The following GRIP1 variants were observed in gnomAD, a reference collection of about 807,000 sequenced individuals.
GRIP1 encodes glutamate receptor-interacting protein 1.
A neutral mutation model predicts 129.9 loss-of-function variants in GRIP1; 45 were observed. The ratio of observed to expected loss-of-function variants is 0.35; its 90% CI spans 0.27 to 0.44. The LOEUF is 0.44. GRIP1 is among the 20% of genes least tolerant of loss of function. The pLI, the probability that GRIP1 is intolerant of heterozygous loss-of-function variation, is 1.00. For synonymous variants in GRIP1, 530 were observed against 520.8 expected, an observed-to-expected ratio of 1.02 and a Z score of -0.24; for missense variants, 1,196 against 1,396.8, an observed-to-expected ratio of 0.86 and a Z score of 2.29.
In GRIP1 at chr12:66,854,399, G is replaced by A. The variant is rs570212953; in HGVS notation, c.58+214651C>T. The stretch of plus-strand genomic sequence containing the variant: ...CTTGTACGCCTCAATAAGGAGTTTT[G>A]GATTGAGGAAAATGAGAGCTTCTGA... On this transcript the variant is annotated intron_variant, in intron 1 of 1. Transcript: ENST00000643019. Among the ~76,000 whole-genome samples the A allele has an allele frequency of 5.3e-5, 8 of 152,020 alleles. No homozygotes were observed. In the South Asian group the frequency reaches 1.0e-3, roughly 20 times the overall value.
At chr12:67,008,724 C>T (rs1017401204) in intron 1 of GRIP1, among the ~76,000 whole-genome samples, 1 of 152,106 alleles carries the variant, frequency 6.6e-6, no homozygotes, top group Non-Finnish European at 1.5e-5. Context: ...AGTGCTAGCA[C>T]AGTGTTCAAA....
chr12:67,025,316 G>C (rs993862603), intron 1 of GRIP1, among the ~76,000 whole-genome samples: 3 of 152,120 alleles, frequency 2.0e-5, no homozygotes, highest in Non-Finnish European at 4.4e-5. Flanking sequence ...ACTCCAGCCT[G>C]GGTGACAGAG....
chr12:66,781,038 T>C (rs185248584), intron 1 of GRIP1, among the ~76,000 whole-genome samples: 9 of 152,278 alleles, frequency 5.9e-5, no homozygotes, highest in Admixed American at 5.2e-4. Context: ...GATAAAATGA[T>C]TATTGTTCAC....
At chr12:66,788,010 G>A (rs1363915056) in intron 1 of GRIP1, among the ~76,000 whole-genome samples, 1 of 151,934 alleles carries the variant, frequency 6.6e-6, no homozygotes, top group African/African-American at 2.4e-5. Flanking sequence ...ACTTTCTCCG[G>A]GTTCCAGGGG....
intron 1 of GRIP1, among the ~76,000 whole-genome samples, chr12:66,928,037 C>CAGAAT (rs1329071485): frequency 6.6e-6 from 1 of 152,204 alleles, no homozygotes; most frequent in Non-Finnish European, 1.5e-5. Context: ...AATGAAGACA[C>CAGAAT]AGAATAGAGC....
At chr12:66,612,204 T>A (rs1325551053) in intron 1 of GRIP1, among the ~76,000 whole-genome samples, 1 of 152,214 alleles carries the variant, frequency 6.6e-6, no homozygotes, top group Non-Finnish European at 1.5e-5. Context: ...AGGTGATTTC[T>A]TCCTTGTGCA....
intron 7 of GRIP1, among the ~76,000 whole-genome samples, chr12:66,468,872 G>C (rs2059361164): frequency 6.6e-6 from 1 of 152,028 alleles, no homozygotes; most frequent in African/African-American, 2.4e-5. Context: ...GGGTGTGAGA[G>C]AGAGCATCCA....
At position 67,044,802 on chromosome 12, in the gene GRIP1, T is replaced by G. The variant is rs184095124; in HGVS notation, c.58+24248A>C. On this transcript the variant is annotated intron_variant, in intron 1 of 1. Transcript: ENST00000643019. ...GTACAAAATATATGCTCTGGGTACA[T>G]GTTTTTCAATGCTTTTGCAATGTAC... Among the ~76,000 whole-genome samples, 9 of 152,352 alleles carry G rather than the reference T, an allele frequency of 5.9e-5. No homozygotes were observed. In the East Asian group the frequency reaches 1.7e-3, roughly 29 times the overall value.
chr12:66,720,604 T>C (rs1178704518), intron 1 of GRIP1, among the ~76,000 whole-genome samples: 5 of 152,184 alleles, frequency 3.3e-5, no homozygotes, highest in East Asian at 1.9e-4. Context: ...ATATCTTTCA[T>C]TGTCATTTCA....
At chr12:66,401,844 T>C (rs1180584368) in intron 16 of GRIP1, among the ~76,000 whole-genome samples, 1 of 151,702 alleles carries the variant, frequency 6.6e-6, no homozygotes, top group African/African-American at 2.4e-5. Flanking sequence ...AGAAACAGAG[T>C]TAATTCAGAC....
chr12:66,898,784 T>C (rs1566069878), intron 1 of GRIP1, among the ~76,000 whole-genome samples: 1 of 152,214 alleles, frequency 6.6e-6, no homozygotes, highest in Admixed American at 6.5e-5. Context: ...GTAGTGTGTT[T>C]ATTAGCAACA....
In GRIP1 at chr12:66,883,232, C is replaced by T. The variant is rs374430138; in HGVS notation, c.58+185818G>A. 6.1e-4 allele frequency among the ~76,000 whole-genome samples: 93 copies of T among 152,250 alleles called. 3 individuals are homozygous for T. The South Asian group carries it at 0.017, about 28-fold the overall frequency. On this transcript the variant is annotated intron_variant, in intron 1 of 1. Coordinates refer to the GRIP1 transcript ENST00000643019. ...CATCTTCCCCTTTCACATTTCCAGTCGTGATCCCATTGCAACTGTGCACCC... is the reference window on the plus strand; with the variant it reads ...CATCTTCCCCTTTCACATTTCCAGTTGTGATCCCATTGCAACTGTGCACCC...
chr12:66,951,503 T>C lies in GRIP1; in HGVS notation c.58+117547A>G, dbSNP rs1485524146. Among the ~76,000 whole-genome samples the C allele has an allele frequency of 3.3e-5, 5 of 152,300 alleles. No individual in the cohort carries two copies. The South Asian group carries it at 1.0e-3, about 32-fold the overall frequency. On this transcript the variant is annotated intron_variant, in intron 1 of 1. Coordinates refer to the GRIP1 transcript ENST00000643019. Reference sequence around the variant, plus strand: ...TGTGACATGAGGTTGGAGGGGTCAGTGGGAGCCAGACCGTACAGGAACGTG... The same window carrying C: ...TGTGACATGAGGTTGGAGGGGTCAGCGGGAGCCAGACCGTACAGGAACGTG...
chr12:66,410,002 G>A lies in GRIP1; in HGVS notation c.1839-3574C>T, dbSNP rs797020040. The stretch of plus-strand genomic sequence containing the variant: ...GCGGTGGCTCACGCCTGTAATCCCA[G>A]CACTTTGGGAGGCCGAGGCGGGCGG... On this transcript the variant is annotated intron_variant, in intron 15 of 24. Transcript: ENST00000359742. Among the ~76,000 whole-genome samples, 108 of 152,150 alleles carry A rather than the reference G, an allele frequency of 7.1e-4. 1 individual carries two copies. The highest frequency in any genetic ancestry group is 2.4e-3 in the African/African-American group (100 of 41,506).
chr12:66,623,437 T>C (rs1297046658), intron 1 of GRIP1, among the ~76,000 whole-genome samples: 1 of 152,188 alleles, frequency 6.6e-6, no homozygotes. Flanking sequence ...TACTTAAAGT[T>C]GATCAGTCTG....
intron 7 of GRIP1, among the ~76,000 whole-genome samples, chr12:66,486,226 T>C (rs976393564): frequency 3.9e-5 from 6 of 152,040 alleles, no homozygotes; most frequent in Non-Finnish European, 8.8e-5. Context: ...TTAGAATTTA[T>C]GTGACAGATT....
chr12:66,674,846 G>GAAA (rs2034250619), intron 1 of GRIP1, among the ~76,000 whole-genome samples: 3 of 151,590 alleles, frequency 2.0e-5, no homozygotes, highest in Non-Finnish European at 2.9e-5. Context: ...AGCAGAAAAG[G>GAAA]AGAAAAGATA....
Position 66,403,402 on chromosome 12 carries a change from GT to G in GRIP1, c.1984+2880del, listed in dbSNP as rs199546487. The stretch of plus-strand genomic sequence containing the variant: ...GGTCAGGCTTTACATTTTGAATAAT[GT>G]TTTTTTTTCCTCCCTTACTTTGCTC... On this transcript the variant is annotated intron_variant, in intron 16 of 24. Transcript: ENST00000359742. Among the ~76,000 whole-genome samples, 3 of 151,052 alleles carry G rather than the reference GT, an allele frequency of 2.0e-5. 1 individual carries two copies. The highest frequency in any genetic ancestry group is 1.3e-4 in the Admixed American group (2 of 15,102).
Position 66,684,706 on chromosome 12 carries a change from G to A in GRIP1, c.-419-54370C>T, listed in dbSNP as rs553648806. 2.5e-4 allele frequency among the ~76,000 whole-genome samples: 38 copies of A among 152,140 alleles called. No individual in the cohort carries two copies. The Middle Eastern group carries it at 0.01, about 41-fold the overall frequency. On this transcript the variant is annotated intron_variant, in intron 1 of 4. Transcript: ENST00000538373. ...CTAAAAACACAAAAATTAGCCAGGCGTGGTGGTGCACACCTGTAATCCCAG... is the reference window on the plus strand; with the variant it reads ...CTAAAAACACAAAAATTAGCCAGGCATGGTGGTGCACACCTGTAATCCCAG...
Sources: allele counts gnomAD v4.1 joint callset (sites outside exome capture counted in the v4.1 genomes callset), GRCh38; gene constraint gnomAD v4.1.1; transcripts MANE v1.5; gene names NCBI Gene and HGNC (gene_info 2026-07-23, HGNC 2026-07-21).